SLC25A28: variants seen among roughly 807,000 people sequenced by gnomAD.
SLC25A28 encodes mitoferrin-2.
SLC25A28 carries 10 observed loss-of-function variants against 31.9 expected under a neutral mutation model. That is an observed-to-expected ratio of 0.31 (90% CI 0.19 to 0.53). The LOEUF (loss-of-function observed/expected upper bound fraction) is 0.53. SLC25A28 is among the 20% of genes least tolerant of loss of function. The pLI, the probability that SLC25A28 is intolerant of heterozygous loss-of-function variation, is 0.95. For missense variants in SLC25A28, 256 were observed against 490.3 expected (o/e 0.52, Z 4.51); for synonymous variants, 208 against 203.6 (o/e 1.02, Z -0.19).
chr10:99,620,855 G>C (rs1051074578), upstream of SLC25A28: 2 of 985,486 alleles, frequency 2.0e-6, no homozygotes, highest in Non-Finnish European at 2.4e-6. Context: ...ACTAGCGCCT[G>C]CAGAGCTGCG....
the SLC25A28 span, among the ~76,000 whole-genome samples, chr10:99,646,352 T>C: frequency 1.3e-5 from 2 of 152,242 alleles, no homozygotes; most frequent in Admixed American, 6.5e-5. Flanking sequence ...CGTGGGACCC[T>C]CTAAGCCATG....
chr10:99,644,982 T>A, the SLC25A28 span, among the ~76,000 whole-genome samples: 1 of 152,216 alleles, frequency 6.6e-6, no homozygotes, highest in African/African-American at 2.4e-5. Context: ...TGGCTGCCCT[T>A]AACATTTTTT....
At chr10:99,627,567 A>C in the SLC25A28 span, among the ~76,000 whole-genome samples, 2 of 151,972 alleles carry the variant, frequency 1.3e-5, no homozygotes, top group Non-Finnish European at 2.9e-5. Context: ...CTGTCCCCCA[A>C]GTAGCTGGGA....
At chr10:99,614,748 A>G (rs1358940844) in intron 1 of SLC25A28, among the ~76,000 whole-genome samples, 5 of 152,232 alleles carry the variant, frequency 3.3e-5, no homozygotes, top group Non-Finnish European at 5.9e-5. Context: ...AATCTTATTC[A>G]AAACACCTCC....
chr10:99,617,681 T>G, intron 1 of SLC25A28: 1 of 985,500 alleles, frequency 1.0e-6, no homozygotes, highest in Non-Finnish European at 1.2e-6. Context: ...CTAAGTCATT[T>G]AAATCCCAGC....
At chr10:99,621,534 C>A (rs1269616449), upstream of SLC25A28, 2 of 152,366 alleles carry the variant, frequency 1.3e-5, no homozygotes, top group African/African-American at 2.4e-5. Flanking sequence ...TGATGGGTCC[C>A]CCGCCTGGCG....
intron 1 of SLC25A28, chr10:99,618,158 G>T: frequency 1.7e-6 from 1 of 602,662 alleles, no homozygotes; most frequent in Non-Finnish European, 2.1e-6. Context: ...CTCCCTTAAG[G>T]ACATGCACCC....
rs374087575 is a variant in SLC25A28 at position 99,611,104 on chromosome 10, G to A, written c.840C>T (p.Thr280=). The A allele has an allele frequency of 2.7e-4, 429 of 1,614,102 alleles. No homozygotes were observed. Among genetic ancestry groups the A allele is most frequent in the Non-Finnish European group, 3.5e-4 (417 of 1,180,054 alleles). ...GCAGTGTTTTGCAAACGTCCAGTGG[G>A]GTTGTGGCTGCGGCAGCTACAGCTC... is the stretch of plus-strand genomic sequence containing the variant. ...CAGAVAAAAT[T]PLDVCKTLLN... Residue 280 remains threonine (T), a synonymous_variant, in exon 4 of 4, where the codon ACC becomes ACT. Transcript: ENST00000370495. The surrounding 1 kb of genome is among the most constrained non-coding windows in gnomAD (Gnocchi z 5.5).
rs141737963 is a variant in SLC25A28, at chr10:99,616,355, C to T, written c.292-2431G>A. 4,740 of 799,838 alleles carry T rather than the reference C, an allele frequency of 5.9e-3. 28 individuals carry two copies. Among genetic ancestry groups the T allele is most frequent in the Admixed American group, 7.6e-3 (122 of 16,026 alleles). The allele number at this position is 799,838 out of a possible 1,614,324, so 49.5% of individuals were successfully genotyped here. On this transcript the variant is annotated intron_variant, in intron 1 of 3. Coordinates refer to ENST00000370495, the MANE Select transcript of SLC25A28 (RefSeq NM_031212.4). ...CATGAGGCCAAGAATGACTGGCTCA[C>T]AGGGCTGTTGTGGGGATTAAAAGAG...
At chr10:99,612,465 C>A in intron 3 of SLC25A28, 78 bp downstream of exon 3, 4 of 1,532,900 alleles carry the variant, frequency 2.6e-6, no homozygotes, top group Admixed American at 1.7e-5. Context: ...CCCACCAAAA[C>A]TGATGTGCTT....
the SLC25A28 span, among the ~76,000 whole-genome samples, chr10:99,641,587 C>T: frequency 1.3e-5 from 2 of 152,134 alleles, no homozygotes; most frequent in Non-Finnish European, 1.5e-5. Context: ...TCCCATTTGT[C>T]TATTTTGGCT....
Position 99,620,379 on chromosome 10 carries a change from C to T in SLC25A28, c.-44G>A. 9.2e-7 allele frequency: 1 copy of T among 1,086,984 alleles called. No homozygotes were observed. Among genetic ancestry groups the T allele is most frequent in the Non-Finnish European group, 1.1e-6 (1 of 896,488 alleles). The allele number at this position is 1,086,984 out of a possible 1,614,324, so 67.3% of individuals were successfully genotyped here. A position where few individuals can be genotyped will look rare whatever the true frequency, so the allele number is the denominator to read the frequency against. On this transcript the variant is annotated 5_prime_UTR_variant, in exon 1 of 4. It adds an upstream start codon to the 5' untranslated region. Coordinates refer to ENST00000370495, the MANE Select transcript of SLC25A28 (RefSeq NM_031212.4). The stretch of plus-strand genomic sequence containing the variant: ...GCGCCCACCCCCGCCGCCGCTGCCA[C>T]CACTGCCGCCGCCGCCCCCCGGCCC...
the SLC25A28 span, among the ~76,000 whole-genome samples, chr10:99,648,165 AT>A: frequency 2.0e-5 from 3 of 147,704 alleles, no homozygotes; most frequent in African/African-American, 5.0e-5. Flanking sequence ...TGCCCAGCTG[AT>A]TTTTTTTTTT....
chr10:99,614,736 T>C (rs1165705630), intron 1 of SLC25A28, among the ~76,000 whole-genome samples: 4 of 152,190 alleles, frequency 2.6e-5, no homozygotes, highest in Non-Finnish European at 5.9e-5. Flanking sequence ...ATTTGGGAAA[T>C]TAATCTTATT....
chr10:99,654,146 A>T, the SLC25A28 span, among the ~76,000 whole-genome samples: 1 of 152,198 alleles, frequency 6.6e-6, no homozygotes, highest in Non-Finnish European at 1.5e-5. Context: ...GTTCTGGGTG[A>T]CAACATCTAT....
At chr10:99,612,704 A>C in intron 2 of SLC25A28, 105 bp from the exon 3 acceptor site, 1 of 1,268,424 alleles carries the variant, frequency 7.9e-7, no homozygotes, top group Non-Finnish European at 1.1e-6. Flanking sequence ...CAGCGGGGAA[A>C]AGTAACGTTA....
the SLC25A28 span, among the ~76,000 whole-genome samples, chr10:99,644,437 CTTTAT>C: frequency 6.6e-6 from 1 of 152,108 alleles, no homozygotes; most frequent in Admixed American, 6.5e-5. Flanking sequence ...TCCTCCATCC[CTTTAT>C]TTTGAGCCTG....
intron 1 of SLC25A28, chr10:99,616,150 G>A: frequency 2.0e-6 from 2 of 985,376 alleles, no homozygotes; most frequent in Non-Finnish European, 2.4e-6. Context: ...AAACCTCAAT[G>A]TGAAAAACTT....
the SLC25A28 span, among the ~76,000 whole-genome samples, chr10:99,650,130 G>A: frequency 6.6e-6 from 1 of 152,010 alleles, no homozygotes; most frequent in Non-Finnish European, 1.5e-5. Context: ...TTGATATGTT[G>A]TGCTTTCATT....
Sources: allele counts gnomAD v4.1 joint callset (sites outside exome capture counted in the v4.1 genomes callset), GRCh38; gene constraint gnomAD v4.1.1; non-coding constraint Gnocchi (gnomAD v3.1); transcripts MANE v1.5; gene names NCBI Gene and HGNC (gene_info 2026-07-23, HGNC 2026-07-21).